The following ELP4 variants were observed in gnomAD, a reference collection of about 807,000 sequenced individuals.
ELP4 encodes the protein elongator acetyltransferase complex subunit 4, also known as elongator complex protein 4.
ELP4 carries 51 observed loss-of-function variants against 48.9 expected under a neutral mutation model. The observed-to-expected ratio is 1.04, with a 90% confidence interval of 0.83 to 1.32. The LOEUF is 1.32. Ranked by LOEUF, ELP4 falls within the 40% of genes most tolerant of loss-of-function variation. The pLI, the probability that ELP4 is intolerant of heterozygous loss-of-function variation, is 0.00. For missense variants in ELP4, 519 were observed against 514.6 expected, an observed-to-expected ratio of 1.01 and a Z score of -0.08; for synonymous variants, 210 against 189.2, an observed-to-expected ratio of 1.11 and a Z score of -0.90.
chr11:31,619,031 G>A (rs993895396), intron 5 of ELP4, among the ~76,000 whole-genome samples: 12 of 152,088 alleles, frequency 7.9e-5, no homozygotes, highest in South Asian at 2.1e-4. Context: ...AAAATGTAAG[G>A]AGAGGATTGG....
At position 31,539,660 on chromosome 11, in the gene ELP4, A is replaced by C. The variant is rs375712482; in HGVS notation, c.260-2A>C. 6.3e-7 allele frequency: 1 copy of C among 1,597,580 alleles called. No individual in the cohort carries two copies. The highest frequency in any genetic ancestry group is 8.5e-7 in the Non-Finnish European group (1 of 1,173,548). On this transcript the variant is annotated splice_acceptor_variant, in intron 2 of 9. Transcript: ENST00000640961. LOFTEE classifies it high-confidence loss of function. Reference sequence around the variant, plus strand: ...TCTAACTGCAACTTTTCCTTTTTACAGAGGAGGATAAATATAATATTTACT... The same window carrying C: ...TCTAACTGCAACTTTTCCTTTTTACCGAGGAGGATAAATATAATATTTACT...
At chr11:31,660,646 A>C (rs2134089542) in intron 9 of ELP4, among the ~76,000 whole-genome samples, 1 of 151,648 alleles carries the variant, frequency 6.6e-6, no homozygotes, top group Non-Finnish European at 1.5e-5. Flanking sequence ...ACACATATGT[A>C]CTTGTTTTTT....
intron 9 of ELP4, among the ~76,000 whole-genome samples, chr11:31,759,713 T>C (rs1318334983): frequency 7.7e-6 from 1 of 129,736 alleles, no homozygotes; most frequent in East Asian, 2.0e-4. Flanking sequence ...TCTTTTTTCT[T>C]TTTTTTTTTT....
intron 9 of ELP4, among the ~76,000 whole-genome samples, chr11:31,703,688 CCTGTGATTTCTCTA>C (rs1565119640): frequency 6.6e-6 from 1 of 152,078 alleles, no homozygotes; most frequent in Non-Finnish European, 1.5e-5. Context: ...CTAGAGCAAG[CCTGTGATTTCTCTA>C]TTGGTGATCT....
chr11:31,580,462 T>C (rs904011123), intron 3 of ELP4, among the ~76,000 whole-genome samples: 2 of 152,150 alleles, frequency 1.3e-5, no homozygotes, highest in Non-Finnish European at 2.9e-5. Flanking sequence ...GTGGCATTTA[T>C]TTGACTTCTT....
intron 5 of ELP4, among the ~76,000 whole-genome samples, chr11:31,624,817 A>G (rs1157280349): frequency 6.6e-6 from 1 of 151,648 alleles, no homozygotes; most frequent in Non-Finnish European, 1.5e-5. Flanking sequence ...ATTTTTGTTA[A>G]AAACTAAGAC....
At chr11:31,741,371 C>T (rs1947444324) in intron 9 of ELP4, among the ~76,000 whole-genome samples, 1 of 152,172 alleles carries the variant, frequency 6.6e-6, no homozygotes, top group Non-Finnish European at 1.5e-5. Context: ...ACGTAAATGT[C>T]CCTGTCTGAC....
chr11:31,558,884 A>G (rs941922714), intron 3 of ELP4, among the ~76,000 whole-genome samples: 1 of 152,208 alleles, frequency 6.6e-6, no homozygotes, highest in African/African-American at 2.4e-5. Flanking sequence ...AGAAGCCACC[A>G]AAGTCAGAAT....
rs1948429273 is a variant in ELP4 at position 31,783,618 on chromosome 11, C to G, written c.*94C>G. On this transcript the variant is annotated 3_prime_UTR_variant, in exon 10 of 10. Coordinates refer to ENST00000640961, the MANE Select transcript of ELP4 (RefSeq NM_019040.5). ...AAATATTTTTCTTAACAATTTGACC[C>G]TCCACTCCTTGAAAAACACAGGATT... 5.8e-6 allele frequency: 7 copies of G among 1,213,566 alleles called. No homozygotes were observed. The East Asian group carries it at 1.8e-4, about 31-fold the overall frequency. The allele number at this position is 1,213,566 out of a possible 1,614,324, so 75.2% of individuals were successfully genotyped here.
chr11:31,647,942 G>A lies in ELP4; in HGVS notation c.1036+93G>A, dbSNP rs906080583. 3 of 720,948 alleles carry A rather than the reference G, an allele frequency of 4.2e-6. No homozygotes were observed. In the Admixed American group the frequency reaches 6.6e-5, roughly 16 times the overall value. 44.7% of individuals were successfully genotyped at this position (720,948 alleles called of 1,614,324 possible). Reference sequence around the variant, plus strand: ...TTCAATCCAAATATCTACTGTCAAGGAGTATGAATTTTATAATACACCTGT... The same window carrying A: ...TTCAATCCAAATATCTACTGTCAAGAAGTATGAATTTTATAATACACCTGT... On this transcript the variant is annotated intron_variant, in intron 8 of 9. Transcript: ENST00000640961.
chr11:31,683,856 T>C (rs1946106583), intron 9 of ELP4, among the ~76,000 whole-genome samples: 2 of 152,276 alleles, frequency 1.3e-5, no homozygotes, highest in South Asian at 4.1e-4. Flanking sequence ...ACTAAGTAAA[T>C]GATTATTAAA....
At chr11:31,629,575 C>T (rs2134041691) in intron 6 of ELP4, among the ~76,000 whole-genome samples, 1 of 152,074 alleles carries the variant, frequency 6.6e-6, no homozygotes, top group Non-Finnish European at 1.5e-5. Flanking sequence ...CATTAAACCT[C>T]TGTAGTTCTC....
At chr11:31,533,368 CTTTTTTTTTTTTT>C (rs71060492) in intron 2 of ELP4, among the ~76,000 whole-genome samples, 5 of 50,460 alleles carry the variant, frequency 9.9e-5, no homozygotes, top group South Asian at 1.4e-3. Context: ...CCATCTCATT[CTTTTTTTTTTTTT>C]TTTTTTTTTT....
intron 5 of ELP4, among the ~76,000 whole-genome samples, chr11:31,625,422 G>A (rs1944721356): frequency 6.6e-6 from 1 of 151,716 alleles, no homozygotes; most frequent in Non-Finnish European, 1.5e-5. Context: ...TTCATCAAGG[G>A]ATGAATGAAT....
At chr11:31,690,339 C>T (rs1237689116) in intron 9 of ELP4, among the ~76,000 whole-genome samples, 1 of 152,092 alleles carries the variant, frequency 6.6e-6, no homozygotes, top group Non-Finnish European at 1.5e-5. Flanking sequence ...CATCTGCCCT[C>T]ACTTTCCTTC....
chr11:31,536,296 C>T (rs1222174851), intron 2 of ELP4, among the ~76,000 whole-genome samples: 2 of 151,878 alleles, frequency 1.3e-5, no homozygotes, highest in Non-Finnish European at 2.9e-5. Context: ...ATTCCTGGAT[C>T]GTATAATAAG....
chr11:31,542,525 T>A (rs1243585057), intron 3 of ELP4, among the ~76,000 whole-genome samples: 1 of 152,194 alleles, frequency 6.6e-6, no homozygotes, highest in African/African-American at 2.4e-5. Flanking sequence ...AGTGAAAAAC[T>A]TCATAATTCA....
At chr11:31,777,532 T>G (rs1166738770) in intron 9 of ELP4, among the ~76,000 whole-genome samples, 2 of 152,236 alleles carry the variant, frequency 1.3e-5, no homozygotes. Flanking sequence ...TGCCACTAGT[T>G]GTCTCCCAAT....
chr11:31,577,096 AG>A (rs1350712586), intron 3 of ELP4, among the ~76,000 whole-genome samples: 3 of 152,182 alleles, frequency 2.0e-5, no homozygotes, highest in African/African-American at 7.2e-5. Flanking sequence ...AAAAAGATAA[AG>A]GGGATATCAC....
Sources: allele counts gnomAD v4.1 joint callset (sites outside exome capture counted in the v4.1 genomes callset), GRCh38; gene constraint gnomAD v4.1.1; transcripts MANE v1.5; gene names NCBI Gene and HGNC (gene_info 2026-07-23, HGNC 2026-07-21).